ATP2B2: variants seen among roughly 807,000 people sequenced by gnomAD.
ATP2B2 encodes ATPase plasma membrane Ca2+ transporting 2.
ATP2B2 carries 15 observed loss-of-function variants against 120.0 expected under a neutral mutation model. The observed-to-expected ratio is 0.12, with a 90% confidence interval of 0.08 to 0.19. The LOEUF (loss-of-function observed/expected upper bound fraction) is 0.19. Ranked by LOEUF, ATP2B2 falls within the 10% of genes least tolerant of loss-of-function variation. The probability of loss-of-function intolerance (pLI) is 1.00; values close to 1 mark genes in which losing one functional copy is unlikely to be tolerated. For synonymous variants in ATP2B2, 694 were observed against 700.3 expected, an observed-to-expected ratio of 0.99 and a Z score of 0.14; for missense variants, 1,045 against 1,719.8, an observed-to-expected ratio of 0.61 and a Z score of 6.94.
chr3:10,606,922 G>A (rs776837756), intron 2 of ATP2B2, among the ~76,000 whole-genome samples: 1 of 104,690 alleles, frequency 9.6e-6, no homozygotes, highest in Non-Finnish European at 1.8e-5. Flanking sequence ...CAGAGAGAGA[G>A]AGAGAGAGAG....
chr3:10,489,407 C>T (rs1001743343), intron 1 of ATP2B2, among the ~76,000 whole-genome samples: 3 of 152,340 alleles, frequency 2.0e-5, no homozygotes, highest in African/African-American at 4.8e-5. Context: ...GAAAGCTCCC[C>T]GCCCCTTTAG....
intron 1 of ATP2B2, among the ~76,000 whole-genome samples, chr3:10,677,098 A>T (rs1470698483): frequency 6.6e-6 from 1 of 152,230 alleles, no homozygotes; most frequent in African/African-American, 2.4e-5. Context: ...TGTCCACACA[A>T]AGTTCTGCAC....
intron 1 of ATP2B2, among the ~76,000 whole-genome samples, chr3:10,654,943 C>T (rs1357809236): frequency 6.6e-6 from 1 of 152,112 alleles, no homozygotes; most frequent in East Asian, 1.9e-4. Context: ...CTCCTCATCT[C>T]CACATCACTA....
At chr3:10,616,682 G>GCACACACACA (rs34616841) in intron 2 of ATP2B2, among the ~76,000 whole-genome samples, 1 of 151,058 alleles carries the variant, frequency 6.6e-6, no homozygotes, top group Non-Finnish European at 1.5e-5. Context: ...CTAGCAAAAT[G>GCACACACACA]CACACACACA....
intron 2 of ATP2B2, among the ~76,000 whole-genome samples, chr3:10,430,243 T>C (rs1255591820): frequency 6.6e-6 from 1 of 152,186 alleles, no homozygotes; most frequent in African/African-American, 2.4e-5. Flanking sequence ...AACTTTCAAG[T>C]CTTATTTAAA....
At chr3:10,603,112 G>A (rs370463032) in intron 2 of ATP2B2, among the ~76,000 whole-genome samples, 4 of 152,182 alleles carry the variant, frequency 2.6e-5, no homozygotes, top group East Asian at 1.9e-4. Flanking sequence ...CTCAGACCCC[G>A]CATCCAGCCC....
In ATP2B2 at chr3:10,328,969, C is replaced by G. The variant is rs1344044122; in HGVS notation, c.3577G>C (p.Asp1193His). The G allele has an allele frequency of 6.2e-7, 1 of 1,613,856 alleles. No homozygotes were observed. Among genetic ancestry groups the G allele is most frequent in the East Asian group, 2.2e-5 (1 of 44,862 alleles). ...CTCGAGTTCTGCTTGAGCGCGGCAT[C>G]TTCTTCCAGGTCGGTGTCATCAATG... ...PLIDDTDLEE[D>H]AALKQNSSPP... Residue 1193 changes from aspartate (D) to histidine (H), a missense_variant, in exon 23 of 23, where the codon GAT (aspartate) becomes CAT (histidine). Physicochemically the swap from Asp to His is moderately conservative, Grantham distance 81. Coordinates refer to ENST00000360273, the MANE Select transcript of ATP2B2 (RefSeq NM_001001331.4).
chr3:10,368,483 A>C (rs1361412490), intron 12 of ATP2B2, among the ~76,000 whole-genome samples: 1 of 151,842 alleles, frequency 6.6e-6, no homozygotes, highest in Non-Finnish European at 1.5e-5. Flanking sequence ...CCATCCATCT[A>C]TTCATCCACC....
intron 1 of ATP2B2, among the ~76,000 whole-genome samples, chr3:10,493,580 T>C (rs2066018226): frequency 6.6e-6 from 1 of 152,128 alleles, no homozygotes. Flanking sequence ...TACTATCTGA[T>C]ATATATTCTT....
intron 1 of ATP2B2, among the ~76,000 whole-genome samples, chr3:10,472,060 C>G (rs1396838871): frequency 4.5e-5 from 6 of 132,428 alleles, no homozygotes; most frequent in East Asian, 2.3e-4. Context: ...CCGCCTGGGC[C>G]ACAGAGCGAG....
rs190062400 is a variant in ATP2B2, at chr3:10,455,780, G to A, written c.-319-5918C>T. 1.5e-3 allele frequency among the ~76,000 whole-genome samples: 229 copies of A among 152,272 alleles called. 1 individual carries two copies. Among genetic ancestry groups the A allele is most frequent in the African/African-American group, 5.2e-3 (216 of 41,550 alleles). ...ACAGCCAACTGAGACAAAGCCCAGT[G>A]AGAATCTCCTCCTTGTTTTCCCAGC... On this transcript the variant is annotated intron_variant, in intron 1 of 22. Coordinates refer to ENST00000360273, the MANE Select transcript of ATP2B2 (RefSeq NM_001001331.4).
At chr3:10,413,698 T>G (rs577616341) in intron 2 of ATP2B2, among the ~76,000 whole-genome samples, 3 of 152,358 alleles carry the variant, frequency 2.0e-5, no homozygotes, top group Admixed American at 2.0e-4. Context: ...GTCTTCCTCC[T>G]TTTGTCCAAT....
intron 2 of ATP2B2, among the ~76,000 whole-genome samples, chr3:10,559,232 G>A (rs538625724): frequency 2.6e-5 from 4 of 152,152 alleles, no homozygotes; most frequent in Non-Finnish European, 5.9e-5. Flanking sequence ...GTAAAACTGT[G>A]GCTATTAGAG....
At chr3:10,337,654 C>T (rs2060157248) in intron 22 of ATP2B2, among the ~76,000 whole-genome samples, 2 of 152,110 alleles carry the variant, frequency 1.3e-5, no homozygotes, top group Admixed American at 1.3e-4. Flanking sequence ...TCTGTGTGTG[C>T]TTGAGGATGA....
intron 2 of ATP2B2, among the ~76,000 whole-genome samples, chr3:10,613,729 T>C (rs1363142706): frequency 1.3e-5 from 2 of 151,954 alleles, no homozygotes; most frequent in African/African-American, 4.8e-5. Context: ...ACATTCTCCC[T>C]GCTTCCGCCC....
chr3:10,517,341 G>A (rs549850769), intron 3 of ATP2B2, among the ~76,000 whole-genome samples: 2 of 152,322 alleles, frequency 1.3e-5, no homozygotes, highest in East Asian at 1.9e-4. Flanking sequence ...TGGTGGTGGA[G>A]CACCATAGAC....
intron 1 of ATP2B2, among the ~76,000 whole-genome samples, chr3:10,489,008 C>T (rs950013220): frequency 6.6e-6 from 1 of 152,190 alleles, no homozygotes; most frequent in Admixed American, 6.5e-5. Flanking sequence ...CATCTCCTAC[C>T]CCTGCCTCCT....
intron 1 of ATP2B2, among the ~76,000 whole-genome samples, chr3:10,651,744 AATGGATGGATGG>A (rs36070242): frequency 2.0e-5 from 3 of 150,686 alleles, no homozygotes; most frequent in African/African-American, 4.9e-5. Context: ...TGCATGTATG[AATGGATGGATGG>A]ATGGATGGAT....
At position 10,373,801 on chromosome 3, in the gene ATP2B2, C is replaced by T. The variant is rs530677439; in HGVS notation, c.1416+1629G>A. 9.9e-5 allele frequency among the ~76,000 whole-genome samples: 15 copies of T among 152,184 alleles called. 1 individual carries two copies. The East Asian group carries it at 1.4e-3, about 14-fold the overall frequency. On this transcript the variant is annotated intron_variant, in intron 11 of 22. Coordinates refer to ENST00000360273, the MANE Select transcript of ATP2B2 (RefSeq NM_001001331.4). ...TTTGCCCAAGCTGATCTTGAACTTC[C>T]GGGCTCAAGCGATCCTCTTGCCTCG...
Sources: allele counts gnomAD v4.1 joint callset (sites outside exome capture counted in the v4.1 genomes callset), GRCh38; gene constraint gnomAD v4.1.1; transcripts MANE v1.5; gene names NCBI Gene and HGNC (gene_info 2026-07-23, HGNC 2026-07-21).